The following C1orf105 variants were observed in gnomAD, a reference collection of about 807,000 sequenced individuals.
C1orf105 encodes chromosome 1 open reading frame 105.
In C1orf105, 17 loss-of-function variants were observed where a neutral mutation model predicts 20.8. The ratio of observed to expected loss-of-function variants is 0.82; its 90% CI spans 0.56 to 1.23. C1orf105 has a LOEUF of 1.23. Among genes scored for constraint, C1orf105 ranks in the 50% most tolerant of loss-of-function variants. C1orf105 has a pLI of 0.00. For synonymous variants in C1orf105, 72 were observed against 72.1 expected, an observed-to-expected ratio of 1.00 and a Z score of 0.01; for missense variants, 219 against 213.5, an observed-to-expected ratio of 1.03 and a Z score of -0.16.
chr1:172,440,282 G>A (rs767582381), intron 1 of C1orf105, among the ~76,000 whole-genome samples: 1 of 152,188 alleles, frequency 6.6e-6, no homozygotes, highest in Non-Finnish European at 1.5e-5. Context: ...TATCTTGGGA[G>A]GTGCCTGCTG....
intron 3 of C1orf105, chr1:172,453,058 A>G: frequency 1.3e-6 from 2 of 1,550,648 alleles, no homozygotes; most frequent in Non-Finnish European, 1.7e-6. Context: ...TGGCGTCTCA[A>G]ATGTTTGCGT....
intron 5 of C1orf105, among the ~76,000 whole-genome samples, chr1:172,464,305 T>G (rs1649893157): frequency 6.6e-6 from 1 of 152,210 alleles, no homozygotes; most frequent in Non-Finnish European, 1.5e-5. Flanking sequence ...CAGTGACAAT[T>G]GATTAAAGCA....
intron 3 of C1orf105, among the ~76,000 whole-genome samples, chr1:172,455,463 C>T (rs1051255910): frequency 1.3e-5 from 2 of 152,180 alleles, no homozygotes; most frequent in African/African-American, 4.8e-5. Context: ...TTTCCTCTTC[C>T]CCATATTCTG....
In C1orf105 at chr1:172,448,502, T is replaced by G. The variant is rs761140741; in HGVS notation, c.169T>G (p.Leu57Val). ...CAAGAAGAATATGAATTTGCCAATT[T>G]TGTTTCAAGTTCCAGATGTTTTATC... ...SSKKNMNLPI[L>V]FQVPDVLSKA... Residue 57 changes from leucine to valine, a missense_variant, in exon 3 of 7, where the codon TTG becomes GTG. By Grantham distance (32) the Leu-to-Val change is conservative. Coordinates refer to ENST00000367727, the MANE Select transcript of C1orf105 (RefSeq NM_139240.4). 3 of 1,613,300 alleles carry G rather than the reference T, an allele frequency of 1.9e-6. No homozygotes were observed. Among genetic ancestry groups the G allele is most frequent in the Non-Finnish European group, 2.5e-6 (3 of 1,179,214 alleles).
chr1:172,440,041 T>A (rs766651197), intron 1 of C1orf105, among the ~76,000 whole-genome samples: 1 of 152,192 alleles, frequency 6.6e-6, no homozygotes, highest in Non-Finnish European at 1.5e-5. Flanking sequence ...AAACACAATA[T>A]TCATCTGTCC....
Position 172,468,549 on chromosome 1 carries a change from T to C in C1orf105, c.507T>C (p.Ser169=). The change falls in exon 7 of 7, where the codon TCT becomes TCC. Residue 169 remains serine, a synonymous_variant. Coordinates refer to ENST00000367727, the MANE Select transcript of C1orf105 (RefSeq NM_139240.4). ...AYKTLKERQR[S]SLPRKEPIGK... is the part of the protein sequence containing the mutation. ...AAACTCTAAAAGAGAGACAACGTTC[T>C]TCCTTGCCCAGAAAGGAACCAATAG... is the stretch of plus-strand genomic sequence containing the variant. The C allele has an allele frequency of 6.2e-7, 1 of 1,614,002 alleles. No individual in the cohort carries two copies. The highest frequency in any genetic ancestry group is 1.3e-5 in the African/African-American group (1 of 75,040).
At chr1:172,462,346 T>C in intron 5 of C1orf105, 101 bp downstream of exon 5, 1 of 839,646 alleles carries the variant, frequency 1.2e-6, no homozygotes, top group South Asian at 1.9e-5. Context: ...GTTTAAGGAA[T>C]GCTTAGGGAA....
chr1:172,430,945 G>GCA (rs2071856252), intron 1 of C1orf105: 1 of 427,036 alleles, frequency 2.3e-6, no homozygotes. Context: ...CAATTGTTTT[G>GCA]GGGTACCACA....
intron 3 of C1orf105, among the ~76,000 whole-genome samples, chr1:172,454,418 G>A (rs983803452): frequency 6.6e-6 from 1 of 151,814 alleles, no homozygotes. Context: ...GATGGAGGGA[G>A]GAGCTGGAGC....
chr1:172,434,942 A>T (rs550113128), intron 1 of C1orf105, among the ~76,000 whole-genome samples: 1 of 152,326 alleles, frequency 6.6e-6, no homozygotes, highest in East Asian at 1.9e-4. Flanking sequence ...AGAAATACAA[A>T]CTACCATCAG....
intron 2 of C1orf105, among the ~76,000 whole-genome samples, chr1:172,447,294 C>T (rs1032329569): frequency 2.6e-5 from 4 of 152,112 alleles, no homozygotes; most frequent in South Asian, 2.1e-4. Flanking sequence ...TCCAAGTGTG[C>T]GCAATGGAAA....
chr1:172,433,930 CA>C lies in C1orf105; in HGVS notation c.22-11135del, dbSNP rs571868465. Among the ~76,000 whole-genome samples, 58 of 150,916 alleles carry C rather than the reference CA, an allele frequency of 3.8e-4. 1 individual carries two copies. The South Asian group carries it at 0.012, about 30-fold the overall frequency. On this transcript the variant is annotated intron_variant, in intron 1 of 6. Transcript: ENST00000367727. ...GAAGACCTACCAAGCAAATGGAAAG[CA>C]AAAAAAAGCAGGGGTTACAATCCTA...
At chr1:172,425,323 C>T (rs1217037823) in intron 1 of C1orf105, among the ~76,000 whole-genome samples, 2 of 152,154 alleles carry the variant, frequency 1.3e-5, no homozygotes, top group Non-Finnish European at 2.9e-5. Flanking sequence ...TCCTGACTAC[C>T]CCACCTCTGG....
intron 3 of C1orf105, chr1:172,452,734 T>C (rs1163622623): frequency 1.0e-6 from 1 of 973,854 alleles, no homozygotes; most frequent in African/African-American, 1.8e-5. Context: ...GAAATCTGCA[T>C]CATACCTTGG....
Position 172,462,233 on chromosome 1 carries a change from G to A in C1orf105, c.329G>A (p.Cys110Tyr). 1 of 1,608,206 alleles carries A rather than the reference G, an allele frequency of 6.2e-7. No individual in the cohort carries two copies. Among genetic ancestry groups the A allele is most frequent in the Non-Finnish European group, 8.5e-7 (1 of 1,176,456 alleles). The change falls in exon 5 of 7, where the codon TGT becomes TAT. Residue 110 changes from cysteine to tyrosine, a missense_variant. Transcript: ENST00000367727. ...GATCCAAAAGCATCCTTTGAGAATT[G>A]TATGAGTTATAGGTAAGTCAACAAT... ...PDDPKASFEN[C>Y]MSYRMSLHQP... is the part of the protein sequence containing the mutation.
chr1:172,449,484 G>A (rs1010355563), intron 3 of C1orf105, among the ~76,000 whole-genome samples: 3 of 152,168 alleles, frequency 2.0e-5, no homozygotes, highest in Admixed American at 6.5e-5. Flanking sequence ...AAGAGCCAGG[G>A]GTGGAGGAAG....
At chr1:172,432,757 G>C (rs2071911019) in intron 1 of C1orf105, among the ~76,000 whole-genome samples, 1 of 152,238 alleles carries the variant, frequency 6.6e-6, no homozygotes, top group Non-Finnish European at 1.5e-5. Context: ...AAGCTGGACA[G>C]AGAATGACTT....
At chr1:172,433,044 A>G (rs1325597896) in intron 1 of C1orf105, among the ~76,000 whole-genome samples, 1 of 152,250 alleles carries the variant, frequency 6.6e-6, no homozygotes, top group African/African-American at 2.4e-5. Flanking sequence ...TAATGAAATA[A>G]AGCAAGAAGA....
rs189751954 is a variant in C1orf105 at position 172,452,849 on chromosome 1, C to T, written c.199-3566C>T. On this transcript the variant is annotated intron_variant, in intron 3 of 6. Transcript: ENST00000367727. Reference sequence around the variant, plus strand: ...GGGCCCCATTAACATTCCAGTGCCTCTGGCTCTAGACCTGATAAAACCAGA... The same window carrying T: ...GGGCCCCATTAACATTCCAGTGCCTTTGGCTCTAGACCTGATAAAACCAGA... 29 of 1,423,522 alleles carry T rather than the reference C, an allele frequency of 2.0e-5. No homozygotes were observed. In the African/African-American group the frequency reaches 4.2e-4, roughly 20 times the overall value. The allele number at this position is 1,423,522 out of a possible 1,614,324, so 88.2% of individuals were successfully genotyped here. A position where few individuals can be genotyped will look rare whatever the true frequency, so the allele number is the denominator to read the frequency against.
Sources: gnomAD v4.1 joint callset for allele counts (sites outside exome capture counted in the v4.1 genomes callset) on GRCh38, gnomAD v4.1.1 for gene constraint, MANE v1.5 for transcripts, NCBI Gene and HGNC (gene_info 2026-07-23, HGNC 2026-07-21) for gene names.